Variants in SV2B observed in about 807,000 individuals in gnomAD.
SV2B encodes solute carrier family 22 member B2.
SV2B carries 41 observed loss-of-function variants against 73.9 expected under a neutral mutation model. That is an observed-to-expected ratio of 0.56 (90% CI 0.43 to 0.72). The LOEUF is 0.72. Among genes scored for constraint, SV2B ranks in the 30% least tolerant of loss-of-function variants. SV2B has a pLI of 0.00. For missense variants in SV2B, 764 were observed against 857.8 expected (o/e 0.89, Z 1.37); for synonymous variants, 314 against 314.2 (o/e 1.00, Z 0.01).
intron 12 of SV2B, among the ~76,000 whole-genome samples, chr15:91,291,271 A>G (rs570650160): frequency 6.6e-6 from 1 of 152,094 alleles, no homozygotes; most frequent in African/African-American, 2.4e-5. Flanking sequence ...GTTTATTTAA[A>G]AAAGGACATA....
Position 91,173,734 on chromosome 15 carries a change from A to G in SV2B, c.-391-52139A>G, listed in dbSNP as rs116563992. 5.0e-3 allele frequency among the ~76,000 whole-genome samples: 765 copies of G among 152,332 alleles called. 11 individuals are homozygous for G. The highest frequency in any genetic ancestry group is 0.017 in the African/African-American group (719 of 41,572). On this transcript the variant is annotated intron_variant, in intron 1 of 12. Coordinates refer to ENST00000394232, the MANE Select transcript of SV2B (RefSeq NM_001323032.3). ...TTCAACAGAAAGCCCCACAGAAGAA[A>G]TGCAGGAAAGAATAGGTGAATATTT...
At chr15:91,219,347 C>G (rs2046140711) in intron 1 of SV2B, among the ~76,000 whole-genome samples, 1 of 152,102 alleles carries the variant, frequency 6.6e-6, no homozygotes, top group South Asian at 2.1e-4. Flanking sequence ...GGGCTTATGA[C>G]CAAGATGTGC....
intron 1 of SV2B, among the ~76,000 whole-genome samples, chr15:91,109,167 A>G (rs2041970317): frequency 6.6e-6 from 1 of 152,244 alleles, no homozygotes; most frequent in African/African-American, 2.4e-5. Context: ...GAAATGACAG[A>G]CAAAAGTACC....
chr15:91,142,079 C>T (rs2141189092), intron 1 of SV2B, among the ~76,000 whole-genome samples: 1 of 152,128 alleles, frequency 6.6e-6, no homozygotes, highest in East Asian at 1.9e-4. Flanking sequence ...TCACACTCCA[C>T]TCTACACTCT....
rs149379239 is a variant in SV2B at position 91,245,984 on chromosome 15, G to A, written c.452-5835G>A. Among the ~76,000 whole-genome samples, 251 of 151,544 alleles carry A rather than the reference G, an allele frequency of 1.7e-3. No homozygotes were observed. Among genetic ancestry groups the A allele is most frequent in the Non-Finnish European group, 3.0e-3 (206 of 67,934 alleles). On this transcript the variant is annotated intron_variant, in intron 2 of 12. Coordinates refer to ENST00000394232, the MANE Select transcript of SV2B (RefSeq NM_001323032.3). The surrounding 1 kb of genome is among the most constrained non-coding windows in gnomAD (Gnocchi z 4.2). ...CTCTGTCCCTTTATAGAAAAAGTTGGTGGAGCCTTAGTTTGGAACATCAGG... is the reference window on the plus strand; with the variant it reads ...CTCTGTCCCTTTATAGAAAAAGTTGATGGAGCCTTAGTTTGGAACATCAGG...
intron 1 of SV2B, among the ~76,000 whole-genome samples, chr15:91,159,453 G>A (rs779645533): frequency 1.6e-4 from 24 of 152,050 alleles, no homozygotes; most frequent in African/African-American, 2.4e-4. Context: ...TAACAATTTA[G>A]AGAAAAAATT....
Position 91,261,674 on chromosome 15 carries a change from A to C in SV2B, c.1008+1265A>C, listed in dbSNP as rs1596723142. 3.3e-5 allele frequency among the ~76,000 whole-genome samples: 5 copies of C among 152,294 alleles called. No individual in the cohort carries two copies. In the South Asian group the frequency reaches 1.0e-3, roughly 32 times the overall value. ...TAATACATTTCAACTGGGTTGTACC[A>C]ATCTACAATGCCACAGGCAATAGAG... On this transcript the variant is annotated intron_variant, in intron 6 of 12. Transcript: ENST00000394232. The surrounding 1 kb of genome is among the most constrained non-coding windows in gnomAD (Gnocchi z 4.7).
intron 9 of SV2B, among the ~76,000 whole-genome samples, chr15:91,269,064 G>A (rs986136903): frequency 4.0e-5 from 6 of 151,882 alleles, no homozygotes; most frequent in Admixed American, 2.0e-4. Context: ...CCTTTGGAGC[G>A]TTGATCAGTA....
rs1052504815 is a variant in SV2B, at chr15:91,265,043, A to G, written c.1009-1539A>G. 2.0e-5 allele frequency among the ~76,000 whole-genome samples: 3 copies of G among 152,168 alleles called. No individual in the cohort carries two copies. The highest frequency in any genetic ancestry group is 7.2e-5 in the African/African-American group (3 of 41,430). The stretch of plus-strand genomic sequence containing the variant: ...AATGAAAAAAGAGAGACAACCAGAA[A>G]GTGGTAACTGACCTTAGAGAGCCAG... On this transcript the variant is annotated intron_variant, in intron 6 of 12. Transcript: ENST00000394232. The surrounding 1 kb of genome is among the most constrained non-coding windows in gnomAD (Gnocchi z 4.2).
At chr15:91,135,272 C>T (rs4932575) in intron 1 of SV2B, among the ~76,000 whole-genome samples, 35,261 of 152,094 alleles carry the variant, frequency 0.23, 5,204 homozygotes, top group East Asian at 0.64. Flanking sequence ...CAGATTATCA[C>T]CCTTTTCAAA....
intron 1 of SV2B, among the ~76,000 whole-genome samples, chr15:91,199,637 G>A (rs375117094): frequency 1.4e-4 from 22 of 152,330 alleles, no homozygotes; most frequent in East Asian, 7.7e-4. Flanking sequence ...GCCTGTCGCC[G>A]TTGAAGCAGA....
chr15:91,177,850 T>G (rs1239083732), intron 1 of SV2B, among the ~76,000 whole-genome samples: 8 of 140,056 alleles, frequency 5.7e-5, no homozygotes, highest in African/African-American at 2.4e-4. Flanking sequence ...AGGGACAATT[T>G]GACTTCCTCT....
At chr15:91,278,205 C>T (rs921088736) in intron 9 of SV2B, among the ~76,000 whole-genome samples, 3 of 152,160 alleles carry the variant, frequency 2.0e-5, no homozygotes, top group African/African-American at 7.2e-5. Flanking sequence ...GTTTATGGAA[C>T]CATGCTAGAG....
At chr15:91,217,085 C>T (rs2141449919) in intron 1 of SV2B, among the ~76,000 whole-genome samples, 1 of 152,168 alleles carries the variant, frequency 6.6e-6, no homozygotes, top group African/African-American at 2.4e-5. Context: ...CCATGTTGGC[C>T]AGGCTGGCCT....
intron 1 of SV2B, among the ~76,000 whole-genome samples, chr15:91,176,451 C>T (rs1380601851): frequency 3.9e-5 from 6 of 151,956 alleles, no homozygotes; most frequent in Non-Finnish European, 2.9e-5. Context: ...TTCTAGATCC[C>T]TGAGGAATCG....
Position 91,268,562 on chromosome 15 carries a change from A to C in SV2B, c.1330A>C (p.Met444Leu). ...HVYGATINFT[M>L]ENQIHQHGKL... Reference sequence around the variant, plus strand: ...GTACGGCGCCACAATCAACTTCACGATGGAAAATCAGATCCACCAACATGG... The same window carrying C: ...GTACGGCGCCACAATCAACTTCACGCTGGAAAATCAGATCCACCAACATGG... Residue 444 changes from methionine (M) to leucine (L), a missense_variant, in exon 9 of 13, where the codon ATG becomes CTG. By Grantham distance (15) the Met-to-Leu change is conservative (BLOSUM62 2). Coordinates refer to ENST00000394232, the MANE Select transcript of SV2B (RefSeq NM_001323032.3). This position sits in a 1 kb window ranked among gnomAD's most constrained non-coding sequence, Gnocchi z 4.4. The C allele has an allele frequency of 6.2e-7, 1 of 1,613,812 alleles. No homozygotes were observed. The highest frequency in any genetic ancestry group is 8.5e-7 in the Non-Finnish European group (1 of 1,179,714).
chr15:91,238,443 C>T (rs1184447462), intron 2 of SV2B, among the ~76,000 whole-genome samples: 1 of 152,216 alleles, frequency 6.6e-6, no homozygotes, highest in African/African-American at 2.4e-5. Flanking sequence ...TTATATCTGA[C>T]TTCAAAGTCT....
rs550620575 is a variant in SV2B at position 91,198,930 on chromosome 15, G to A, written c.-391-26943G>A. 3.9e-5 allele frequency among the ~76,000 whole-genome samples: 6 copies of A among 152,298 alleles called. No individual in the cohort carries two copies. In the South Asian group the frequency reaches 1.2e-3, roughly 32 times the overall value. ...GAATCTCCTGTGTGTGGTTTTGCAT[G>A]CACATTTGAAATTCGAAACAGCATA... On this transcript the variant is annotated intron_variant, in intron 1 of 12. Coordinates refer to ENST00000394232, the MANE Select transcript of SV2B (RefSeq NM_001323032.3).
intron 1 of SV2B, among the ~76,000 whole-genome samples, chr15:91,183,965 A>C (rs866955840): frequency 6.0e-5 from 8 of 133,982 alleles, no homozygotes; most frequent in African/African-American, 2.0e-4. Flanking sequence ...TCGCCTGGGG[A>C]CAAAAAAAAC....
Sources: gnomAD v4.1 joint callset for allele counts (sites outside exome capture counted in the v4.1 genomes callset) on GRCh38, gnomAD v4.1.1 for gene constraint, Gnocchi (gnomAD v3.1) non-coding constraint, MANE v1.5 for transcripts, NCBI Gene and HGNC (gene_info 2026-07-23, HGNC 2026-07-21) for gene names.